Variants in SCUBE1 observed in about 807,000 individuals in gnomAD.
The protein encoded by SCUBE1 is signal peptide, CUB and EGF-like domain-containing protein 1.
SCUBE1 carries 59 observed loss-of-function variants against 124.4 expected under a neutral mutation model. The ratio of observed to expected loss-of-function variants is 0.47; its 90% confidence interval spans 0.38 to 0.59. The LOEUF (loss-of-function observed/expected upper bound fraction) is 0.59. Ranked by LOEUF, SCUBE1 falls within the 20% of genes least tolerant of loss-of-function variation. The pLI is 0.00. For missense variants in SCUBE1, 1,150 were observed against 1,371.2 expected (o/e 0.84, Z 2.55); for synonymous variants, 545 against 550.9 (o/e 0.99, Z 0.15).
rs182465301 is a variant in SCUBE1 at position 43,248,049 on chromosome 22, T to C, written c.728-9095A>G. 1.1e-3 allele frequency among the ~76,000 whole-genome samples: 160 copies of C among 152,306 alleles called. 1 individual carries two copies. Among genetic ancestry groups the C allele is most frequent in the African/African-American group, 3.7e-3 (152 of 41,572 alleles). On this transcript the variant is annotated intron_variant, in intron 6 of 21. Coordinates refer to ENST00000360835, the MANE Select transcript of SCUBE1 (RefSeq NM_173050.5). ...CAGGGCTGGAGCCTATTCAGATTTG[T>C]GCCAAAGAGGGCTCTGGCCGTGGCC...
At chr22:43,308,075 AC>A (rs55705266) in intron 3 of SCUBE1, among the ~76,000 whole-genome samples, 68,435 of 151,934 alleles carry the variant, frequency 0.45, 15,776 homozygotes, top group Non-Finnish European at 0.49. Flanking sequence ...AAAGGTCTGA[AC>A]CAGTCTGCCT....
In SCUBE1 at chr22:43,208,146, T is replaced by A; in HGVS notation, c.2660A>T (p.Lys887Met). Residue 887 changes from lysine to methionine, a missense_variant, in exon 20 of 22, where the codon AAG (lysine) becomes ATG (methionine). Physicochemically the swap from Lys to Met is moderately conservative, Grantham distance 95. This residue lies in a region of SCUBE1 where 757 missense variants were observed against 840.9 expected (regional missense o/e 0.90). Transcript: ENST00000360835. Reference protein sequence around the residue: ...RPIAFTSRSRKLWIQFKSNEG... With the variant: ...RPIAFTSRSRMLWIQFKSNEG... ...ATTGGATTTGAACTGGATCCAGAGC[T>A]TGCGGGAGCGGGAGGTGAAGGCGAT... is the stretch of plus-strand genomic sequence containing the variant. 6.2e-7 allele frequency: 1 copy of A among 1,614,132 alleles called. No homozygotes were observed. The highest frequency in any genetic ancestry group is 8.5e-7 in the Non-Finnish European group (1 of 1,180,012).
chr22:43,288,789 C>A (rs1925245663), intron 4 of SCUBE1, among the ~76,000 whole-genome samples: 1 of 152,264 alleles, frequency 6.6e-6, no homozygotes, highest in African/African-American at 2.4e-5. Flanking sequence ...CACAACCCAG[C>A]CTCGCCGGGC....
At chr22:43,226,797 A>ACAGGGAAC (rs952292388) in intron 10 of SCUBE1, among the ~76,000 whole-genome samples, 4 of 152,044 alleles carry the variant, frequency 2.6e-5, no homozygotes, top group African/African-American at 4.8e-5. Flanking sequence ...GGTCCCATGT[A>ACAGGGAAC]CAGGGAACCA....
intron 6 of SCUBE1, among the ~76,000 whole-genome samples, chr22:43,242,840 G>A (rs953553773): frequency 6.6e-6 from 1 of 152,192 alleles, no homozygotes; most frequent in Non-Finnish European, 1.5e-5. Context: ...CCTTTGTAGT[G>A]GACAAGGCAC....
intron 16 of SCUBE1, among the ~76,000 whole-genome samples, 154 bp downstream of exon 16, chr22:43,213,936 G>A (rs1210236641): frequency 2.6e-5 from 4 of 152,308 alleles, no homozygotes; most frequent in African/African-American, 9.6e-5. Context: ...CACAGACATC[G>A]TGAAGGGTTT....
At chr22:43,260,569 C>T (rs980885668) in intron 5 of SCUBE1, among the ~76,000 whole-genome samples, 3 of 152,232 alleles carry the variant, frequency 2.0e-5, no homozygotes, top group Non-Finnish European at 4.4e-5. Flanking sequence ...AGGACTAGAG[C>T]GAATGCCTCA....
At chr22:43,314,288 T>C (rs907764173) in intron 3 of SCUBE1, among the ~76,000 whole-genome samples, 3 of 152,138 alleles carry the variant, frequency 2.0e-5, no homozygotes, top group African/African-American at 7.2e-5. Context: ...TGGCCAAAGC[T>C]GGATGCAAGT....
chr22:43,309,594 G>A (rs75095724), intron 3 of SCUBE1, among the ~76,000 whole-genome samples: 2 of 152,116 alleles, frequency 1.3e-5, no homozygotes, highest in Non-Finnish European at 2.9e-5. Context: ...ATTTTCCCCC[G>A]GGTTTGACTA....
intron 7 of SCUBE1, chr22:43,237,660 A>G (rs1922823051): frequency 6.6e-6 from 1 of 152,228 alleles, no homozygotes; most frequent in South Asian, 2.1e-4. Context: ...CTTCCCAGCA[A>G]GTTGGCAAGG....
intron 21 of SCUBE1, among the ~76,000 whole-genome samples, chr22:43,207,252 C>T (rs35871102): frequency 3.0e-4 from 46 of 152,312 alleles, no homozygotes; most frequent in African/African-American, 1.1e-3. Context: ...GAGAGTGAGG[C>T]TGTGAGCTGG....
At chr22:43,314,941 C>G in intron 3 of SCUBE1, among the ~76,000 whole-genome samples, 1 of 152,186 alleles carries the variant, frequency 6.6e-6, no homozygotes, top group East Asian at 1.9e-4. Flanking sequence ...GGGCCTCCAT[C>G]TGGACTCCTG....
At chr22:43,339,883 C>A (rs1318645538) in intron 1 of SCUBE1, among the ~76,000 whole-genome samples, 10 of 91,160 alleles carry the variant, frequency 1.1e-4, no homozygotes, top group East Asian at 4.9e-4. Flanking sequence ...CCACAAGCAT[C>A]ACTCCAACCC....
intron 21 of SCUBE1, 75 bp from the exon 22 acceptor site, chr22:43,204,224 G>T: frequency 7.2e-7 from 1 of 1,385,866 alleles, no homozygotes. Flanking sequence ...CAGGCTGGGG[G>T]AGGGGAGAGA....
At chr22:43,284,834 C>T (rs776391690) in intron 4 of SCUBE1, among the ~76,000 whole-genome samples, 69 of 152,258 alleles carry the variant, frequency 4.5e-4, no homozygotes, top group Non-Finnish European at 8.2e-4. Flanking sequence ...GCCAAGCTTT[C>T]CTACTGCTGG....
At chr22:43,312,759 C>T (rs1170605194) in intron 3 of SCUBE1, among the ~76,000 whole-genome samples, 1 of 152,186 alleles carries the variant, frequency 6.6e-6, no homozygotes, top group Non-Finnish European at 1.5e-5. Context: ...AGCACACTCC[C>T]TGCCTGTGCC....
chr22:43,340,962 G>A (rs1927293193), intron 1 of SCUBE1, among the ~76,000 whole-genome samples: 4 of 152,172 alleles, frequency 2.6e-5, no homozygotes, highest in Admixed American at 1.3e-4. Context: ...ATCTGCCAGT[G>A]GGGCCTATGA....
chr22:43,269,705 G>A (rs1250211676), intron 4 of SCUBE1, among the ~76,000 whole-genome samples: 1 of 152,176 alleles, frequency 6.6e-6, no homozygotes, highest in Non-Finnish European at 1.5e-5. Flanking sequence ...CCAAGAAAGA[G>A]CCTGGAGCCT....
chr22:43,288,109 G>C (rs1049951404), intron 4 of SCUBE1, among the ~76,000 whole-genome samples: 2 of 152,178 alleles, frequency 1.3e-5, no homozygotes, highest in African/African-American at 4.8e-5. Context: ...AATCAGGAGA[G>C]GCCACACAAA....
Sources: gnomAD v4.1 joint callset for allele counts (sites outside exome capture counted in the v4.1 genomes callset) on GRCh38, gnomAD v4.1.1 for gene constraint, gnomAD v4.1.1 regional missense constraint, MANE v1.5 for transcripts, NCBI Gene and HGNC (gene_info 2026-07-23, HGNC 2026-07-21) for gene names.